The following MAPK1IP1L variants were observed in gnomAD, a reference collection of about 807,000 sequenced individuals.
MAPK1IP1L encodes mitogen-activated protein kinase 1 interacting protein 1 like.
Under a neutral mutation model 18.1 loss-of-function variants are expected in MAPK1IP1L, and 10 were observed. The ratio of observed to expected loss-of-function variants is 0.55; its 90% CI spans 0.34 to 0.94. MAPK1IP1L has a LOEUF of 0.94. MAPK1IP1L is among the 40% of genes least tolerant of loss of function. MAPK1IP1L has a pLI of 0.02. For missense variants in MAPK1IP1L, 260 were observed against 318.2 expected, an observed-to-expected ratio of 0.82 and a Z score of 1.39; for synonymous variants, 115 against 117.3, an observed-to-expected ratio of 0.98 and a Z score of 0.13.
At chr14:55,059,901 C>T (rs1234945351) in intron 1 of MAPK1IP1L, among the ~76,000 whole-genome samples, 1 of 152,042 alleles carries the variant, frequency 6.6e-6, no homozygotes, top group African/African-American at 2.4e-5. Context: ...GTAGCTTGTC[C>T]AATTAGCTGA....
intron 1 of MAPK1IP1L, among the ~76,000 whole-genome samples, chr14:55,056,484 A>T (rs938395809): frequency 6.6e-6 from 1 of 152,104 alleles, no homozygotes; most frequent in African/African-American, 2.4e-5. Context: ...TTAAACCTTA[A>T]CATGGGAATG....
chr14:55,062,874 G>A lies in MAPK1IP1L; in HGVS notation c.275G>A (p.Gly92Glu). The A allele has an allele frequency of 6.2e-7, 1 of 1,613,840 alleles. No individual in the cohort carries two copies. Among genetic ancestry groups the A allele is most frequent in the Non-Finnish European group, 8.5e-7 (1 of 1,179,958 alleles). The change falls in exon 3 of 4, where the codon GGA (glycine) becomes GAA (glutamate). Residue 92 changes from glycine to glutamate, a missense_variant. Gly to Glu is a moderately conservative substitution (Grantham distance 98, BLOSUM62 -2). Coordinates refer to ENST00000395468, the MANE Select transcript of MAPK1IP1L (RefSeq NM_144578.4). ...CCCCCAGCACCCTTTCCTCCTTCCG[G>A]ACCATCATGTCCCCCACCTGGTGGT... ...PGPPAPFPPS[G>E]PSCPPPGGPY...
At chr14:55,058,132 G>C (rs1193365751) in intron 1 of MAPK1IP1L, among the ~76,000 whole-genome samples, 1 of 152,316 alleles carries the variant, frequency 6.6e-6, no homozygotes, top group African/African-American at 2.4e-5. Flanking sequence ...CACGCTCACA[G>C]ACTGGGCCGC....
At chr14:55,055,601 T>G (rs753715243) in intron 1 of MAPK1IP1L, among the ~76,000 whole-genome samples, 1 of 152,190 alleles carries the variant, frequency 6.6e-6, no homozygotes, top group Non-Finnish European at 1.5e-5. Flanking sequence ...GGGCAAACTT[T>G]CATTTTGCTA....
Position 55,065,596 on chromosome 14 carries a change from C to T in MAPK1IP1L, c.*969C>T, listed in dbSNP as rs996757355. On this transcript the variant is annotated 3_prime_UTR_variant, in exon 4 of 4. Coordinates refer to ENST00000395468, the MANE Select transcript of MAPK1IP1L (RefSeq NM_144578.4). ...GTTCTTTAGAAGGAGCACACACATCCCTTGATTCCTCCCTGATGTGGTAAA... is the reference window on the plus strand; with the variant it reads ...GTTCTTTAGAAGGAGCACACACATCTCTTGATTCCTCCCTGATGTGGTAAA... The T allele has an allele frequency of 3.9e-5, 6 of 152,196 alleles. No homozygotes were observed. Among genetic ancestry groups the T allele is most frequent in the African/African-American group, 1.2e-4 (5 of 41,438 alleles). 9.4% of individuals were successfully genotyped at this position (152,196 alleles called of 1,614,324 possible).
chr14:55,056,310 G>C (rs2042770757), intron 1 of MAPK1IP1L, among the ~76,000 whole-genome samples: 1 of 152,106 alleles, frequency 6.6e-6, no homozygotes, highest in Non-Finnish European at 1.5e-5. Flanking sequence ...AGGCCATTTG[G>C]TTCACTTTGA....
chr14:55,054,255 A>G (rs2042753589), intron 1 of MAPK1IP1L, among the ~76,000 whole-genome samples: 1 of 141,774 alleles, frequency 7.1e-6, no homozygotes, highest in Non-Finnish European at 1.5e-5. Context: ...CTCCTGCCTC[A>G]GCCTATCGAA....
chr14:55,062,267 G>A (rs2042823725), intron 2 of MAPK1IP1L, among the ~76,000 whole-genome samples: 1 of 152,126 alleles, frequency 6.6e-6, no homozygotes, highest in African/African-American at 2.4e-5. Flanking sequence ...AGAGTATGTA[G>A]CTCCTTTGAG....
At chr14:55,058,825 C>T (rs2042791392) in intron 1 of MAPK1IP1L, among the ~76,000 whole-genome samples, 1 of 148,786 alleles carries the variant, frequency 6.7e-6, no homozygotes. Flanking sequence ...GAGTGAGACC[C>T]TGTCTCAAAA....
At chr14:55,057,282 G>A (rs945577321) in intron 1 of MAPK1IP1L, among the ~76,000 whole-genome samples, 19 of 152,048 alleles carry the variant, frequency 1.2e-4, no homozygotes, top group East Asian at 3.8e-4. Context: ...TGCAAATGGC[G>A]TATTTTTTAT....
In MAPK1IP1L at chr14:55,068,192, T is replaced by C. The variant is rs2042879663; in HGVS notation, c.*3565T>C. 1 of 152,512 alleles carries C rather than the reference T, an allele frequency of 6.6e-6. No homozygotes were observed. The highest frequency in any genetic ancestry group is 1.5e-5 in the Non-Finnish European group (1 of 68,050). The allele number at this position is 152,512 out of a possible 1,614,324, so 9.4% of individuals were successfully genotyped here. On this transcript the variant is annotated 3_prime_UTR_variant, in exon 4 of 4. Transcript: ENST00000395468. ...GGACTGACTGTTTTGTGCATTTTAC[T>C]GTTGGTTGTCTTCAGTAGAGAATAG...
Position 55,062,633 on chromosome 14 carries a change from C to A in MAPK1IP1L, c.34C>A (p.Pro12Thr). Reference protein sequence around the residue: ...SDEFSLADALPEHSPAKTSAV... With the variant: ...SDEFSLADALTEHSPAKTSAV... ...TGTGTTCCAGTTGGCAGATGCACTA[C>A]CTGAACACTCCCCTGCCAAAACCTC... Residue 12 changes from proline (P) to threonine (T), a missense_variant, in exon 3 of 4, where the codon CCT becomes ACT. By Grantham distance (38) the Pro-to-Thr change is conservative (BLOSUM62 -1). Transcript: ENST00000395468. 6.2e-7 allele frequency: 1 copy of A among 1,612,664 alleles called. No homozygotes were observed. The highest frequency in any genetic ancestry group is 8.5e-7 in the Non-Finnish European group (1 of 1,179,196).
At chr14:55,057,315 T>C (rs10129377) in intron 1 of MAPK1IP1L, among the ~76,000 whole-genome samples, 2,992 of 152,274 alleles carry the variant, frequency 0.02, 97 homozygotes, top group African/African-American at 0.068. Flanking sequence ...GAGAATCAAG[T>C]GAGAAACTTT....
intron 3 of MAPK1IP1L, 69 bp from the exon 4 acceptor site, chr14:55,064,547 C>G: frequency 7.3e-7 from 1 of 1,364,636 alleles, no homozygotes; most frequent in Non-Finnish European, 1.0e-6. Context: ...TTACTTTAAG[C>G]CACAGTAAGG....
At chr14:55,059,225 G>GAAAAAAAAAAAAAAAAAAAAAAAAATCTA (rs3078612) in intron 1 of MAPK1IP1L, among the ~76,000 whole-genome samples, 6 of 63,268 alleles carry the variant, frequency 9.5e-5, no homozygotes, top group Non-Finnish European at 1.8e-4. Context: ...AGGAAAATCT[G>GAAAAAAAAAAAAAAAAAAAAAAAAATCTA]AAAAAAAAAA....
intron 1 of MAPK1IP1L, among the ~76,000 whole-genome samples, chr14:55,052,990 C>A (rs951572185): frequency 6.6e-6 from 1 of 152,178 alleles, no homozygotes; most frequent in Non-Finnish European, 1.5e-5. Context: ...GAGTGGGGCA[C>A]CCCATAATCC....
chr14:55,053,766 C>G (rs1375070501), intron 1 of MAPK1IP1L, among the ~76,000 whole-genome samples: 1 of 152,216 alleles, frequency 6.6e-6, no homozygotes, highest in Non-Finnish European at 1.5e-5. Flanking sequence ...ACTCCCGGCT[C>G]TTTCCTTATG....
Position 55,063,007 on chromosome 14 carries a change from A to G in MAPK1IP1L, c.408A>G (p.Pro136=). 6.2e-7 allele frequency: 1 copy of G among 1,613,848 alleles called. No individual in the cohort carries two copies. The highest frequency in any genetic ancestry group is 8.5e-7 in the Non-Finnish European group (1 of 1,179,788). ...LPRPYGAPTD[P]AAAGPLGPWG... ...GACCATATGGTGCACCCACAGATCC[A>G]GCTGCAGCTGGTCCTTTAGGTCCAT... is the stretch of plus-strand genomic sequence containing the variant. The change falls in exon 3 of 4, where the codon CCA becomes CCG. Residue 136 remains proline, a synonymous_variant. Transcript: ENST00000395468.
chr14:55,058,612 C>T (rs1252334216), intron 1 of MAPK1IP1L, among the ~76,000 whole-genome samples: 1 of 152,108 alleles, frequency 6.6e-6, no homozygotes, highest in Non-Finnish European at 1.5e-5. Flanking sequence ...GGGCGGATCA[C>T]GTGAGGCCAG....
Sources: allele counts gnomAD v4.1 joint callset (sites outside exome capture counted in the v4.1 genomes callset), GRCh38; gene constraint gnomAD v4.1.1; transcripts MANE v1.5; gene names NCBI Gene and HGNC (gene_info 2026-07-23, HGNC 2026-07-21).